FBXL3: variants seen among roughly 807,000 people sequenced by gnomAD.
FBXL3 encodes the protein F-box and leucine rich repeat protein 3, also known as F-box/LRR-repeat protein 3.
In FBXL3, 14 loss-of-function variants were observed where a neutral mutation model predicts 37.9. That is an observed-to-expected ratio of 0.37 (90% CI 0.24 to 0.58). FBXL3 has a LOEUF of 0.58. Ranked by LOEUF, FBXL3 falls within the 20% of genes least tolerant of loss-of-function variation. FBXL3 has a pLI of 0.74. For synonymous variants in FBXL3, 194 were observed against 180.1 expected (o/e 1.08, Z -0.62); for missense variants, 327 against 511.1 (o/e 0.64, Z 3.47).
chr13:77,016,646 G>A (rs2034647896), intron 3 of FBXL3: 1 of 151,216 alleles, frequency 6.6e-6, no homozygotes, highest in African/African-American at 2.4e-5. Context: ...AAGCAATCCT[G>A]TTTCATCCTC....
At chr13:77,026,763 G>A (rs974190602) in intron 1 of FBXL3, 64 bp downstream of exon 1, 3 of 105,388 alleles carry the variant, frequency 2.8e-5, no homozygotes, top group African/African-American at 1.1e-4. Flanking sequence ...GCCCACAGAC[G>A]GTCCGCGGTC....
intron 4 of FBXL3, among the ~76,000 whole-genome samples, chr13:77,011,799 C>A (rs2034559292): frequency 6.6e-6 from 1 of 151,308 alleles, no homozygotes. Flanking sequence ...TGAGTTTACA[C>A]CCCCTAGCAT....
chr13:77,016,045 TGA>T (rs1247404531), intron 3 of FBXL3: 3 of 152,272 alleles, frequency 2.0e-5, no homozygotes, highest in East Asian at 1.9e-4. Flanking sequence ...CAGACTCATT[TGA>T]GATATGAAAA....
chr13:77,018,556 C>A (rs773888155), intron 3 of FBXL3, 44 bp downstream of exon 3: 23 of 1,450,484 alleles, frequency 1.6e-5, no homozygotes, highest in Middle Eastern at 1.8e-4. Flanking sequence ...TAGACTTTCA[C>A]TGAATTTCTC....
At chr13:77,018,847 T>C (rs2034691232) in intron 2 of FBXL3, 125 bp from the exon 3 acceptor site, 2 of 754,566 alleles carry the variant, frequency 2.7e-6, no homozygotes, top group Admixed American at 3.9e-5. Flanking sequence ...ATTCATTTTA[T>C]AGAAGTATCA....
chr13:77,019,714 T>C (rs1307256648), intron 2 of FBXL3, among the ~76,000 whole-genome samples: 1 of 152,144 alleles, frequency 6.6e-6, no homozygotes, highest in East Asian at 1.9e-4. Context: ...AGAACCACTC[T>C]TCTAGACTAA....
intron 1 of FBXL3, chr13:77,026,191 A>C: frequency 1.0e-6 from 1 of 985,426 alleles, no homozygotes; most frequent in Non-Finnish European, 1.2e-6. Flanking sequence ...GGAGATACAG[A>C]CCATTTACTG....
At chr13:77,010,145 CTAATG>C (rs1354884932) in intron 4 of FBXL3, 3 of 152,032 alleles carry the variant, frequency 2.0e-5, no homozygotes, top group Non-Finnish European at 4.4e-5. Context: ...GGAGAAATAC[CTAATG>C]TAGATGACAG....
chr13:77,014,365 TATACAGTAAATATAAAA>T (rs1231515833), intron 4 of FBXL3: 1 of 152,232 alleles, frequency 6.6e-6, no homozygotes, highest in Non-Finnish European at 1.5e-5. Flanking sequence ...AAAGCAGAGC[TATACAGTAAATATAAAA>T]ATGTAATCAA....
intron 1 of FBXL3, among the ~76,000 whole-genome samples, chr13:77,022,343 T>C (rs925645329): frequency 1.5e-4 from 23 of 152,200 alleles, no homozygotes; most frequent in Non-Finnish European, 2.9e-5. Flanking sequence ...AGGGGTCCTG[T>C]GGTTCTGGCC....
chr13:77,020,303 A>G (rs1489781492), intron 2 of FBXL3, among the ~76,000 whole-genome samples: 1 of 152,224 alleles, frequency 6.6e-6, no homozygotes, highest in African/African-American at 2.4e-5. Context: ...TTAAATACTC[A>G]TCTTACATTT....
chr13:77,014,867 TATAAGAGAAACTGGAAAGAGCTATTATA>T (rs2034616361), intron 4 of FBXL3: 1 of 152,164 alleles, frequency 6.6e-6, no homozygotes, highest in Admixed American at 6.5e-5. Flanking sequence ...GAAAATCCTA[TATAAGAGAAACTGGAAAGAGCTATTATA>T]ATGCTCTTCT....
chr13:77,014,589 G>C (rs920588025), intron 4 of FBXL3: 2 of 152,190 alleles, frequency 1.3e-5, no homozygotes, highest in Non-Finnish European at 2.9e-5. Context: ...ATCTAAAATG[G>C]AATCATTTCT....
rs1218015188 is a variant in FBXL3 at position 77,005,590 on chromosome 13, C to T, written c.*1555G>A. 2 of 152,112 alleles carry T rather than the reference C, an allele frequency of 1.3e-5. No individual in the cohort carries two copies. Among genetic ancestry groups the T allele is most frequent in the African/African-American group, 4.8e-5 (2 of 41,378 alleles). 9.4% of individuals were successfully genotyped at this position (152,112 alleles called of 1,614,324 possible). Reference sequence around the variant, plus strand: ...TGTTAATTTTCGAATCTAGATAAGCCTTTTTTCTTCTCATATGTTGCTGTA... The same window carrying T: ...TGTTAATTTTCGAATCTAGATAAGCTTTTTTTCTTCTCATATGTTGCTGTA... On this transcript the variant is annotated 3_prime_UTR_variant, in exon 5 of 5. Coordinates refer to ENST00000355619, the MANE Select transcript of FBXL3 (RefSeq NM_012158.4).
chr13:77,020,071 C>G (rs1211569404), intron 2 of FBXL3, among the ~76,000 whole-genome samples: 2 of 152,110 alleles, frequency 1.3e-5, no homozygotes, highest in Admixed American at 1.3e-4. Flanking sequence ...TAAAACCAAA[C>G]AGAAACCTCT....
intron 2 of FBXL3, 66 bp downstream of exon 2, chr13:77,021,447 T>C: frequency 8.2e-7 from 1 of 1,215,748 alleles, no homozygotes; most frequent in Middle Eastern, 2.7e-4. Flanking sequence ...TGAGAAGATG[T>C]ACTGGTTTAG....
chr13:77,012,302 A>G (rs2034568638), intron 4 of FBXL3, among the ~76,000 whole-genome samples: 1 of 109,820 alleles, frequency 9.1e-6, no homozygotes, highest in Admixed American at 1.0e-4. Context: ...ATAAATTCAT[A>G]CAACTCATTT....
chr13:77,006,807 C>A lies in FBXL3; in HGVS notation c.*338G>T. ...TTTTTTAAATGCATAGAGAATATAACATTTCAGAAAACCTATTAGTACTTC... is the reference window on the plus strand; with the variant it reads ...TTTTTTAAATGCATAGAGAATATAAAATTTCAGAAAACCTATTAGTACTTC... On this transcript the variant is annotated 3_prime_UTR_variant, in exon 5 of 5. Transcript: ENST00000355619. The A allele has an allele frequency of 9.7e-7, 1 of 1,034,904 alleles. No individual in the cohort carries two copies. Among genetic ancestry groups the A allele is most frequent in the Non-Finnish European group, 1.2e-6 (1 of 858,044 alleles). 64.1% of individuals were successfully genotyped at this position (1,034,904 alleles called of 1,614,324 possible). A position where few individuals can be genotyped will look rare whatever the true frequency, so the allele number is the denominator to read the frequency against.
chr13:77,009,610 T>C (rs925261736), intron 4 of FBXL3: 2 of 152,190 alleles, frequency 1.3e-5, no homozygotes, highest in Non-Finnish European at 2.9e-5. Context: ...AAACAACAGA[T>C]GCTGGAGAGG....
Sources: gnomAD v4.1 joint callset for allele counts (sites outside exome capture counted in the v4.1 genomes callset) on GRCh38, gnomAD v4.1.1 for gene constraint, MANE v1.5 for transcripts, NCBI Gene and HGNC (gene_info 2026-07-23, HGNC 2026-07-21) for gene names.